Variants in ARID4B observed in about 807,000 individuals in gnomAD.
ARID4B encodes AT-rich interaction domain 4B, also known as AT-rich interactive domain-containing protein 4B.
Under a neutral mutation model 147.5 loss-of-function variants are expected in ARID4B, and 26 were observed. The observed-to-expected ratio is 0.18, with a 90% CI of 0.13 to 0.24. The LOEUF (loss-of-function observed/expected upper bound fraction) is 0.24. Ranked by LOEUF, ARID4B falls within the 10% of genes least tolerant of loss-of-function variation. ARID4B has a pLI of 1.00. For missense variants in ARID4B, 1,179 were observed against 1,511.5 expected (o/e 0.78, Z 3.65); for synonymous variants, 512 against 507.9 (o/e 1.01, Z -0.11).
chr1:235,185,852 A>G (rs548969453), intron 19 of ARID4B, among the ~76,000 whole-genome samples: 4 of 151,842 alleles, frequency 2.6e-5, no homozygotes, highest in Admixed American at 6.6e-5. Context: ...TTCATTCTTG[A>G]TATTTTATAA....
intron 17 of ARID4B, among the ~76,000 whole-genome samples, chr1:235,204,304 G>A (rs915509194): frequency 7.9e-5 from 12 of 152,072 alleles, no homozygotes; most frequent in Non-Finnish European, 1.2e-4. Context: ...CCTGGGTGAC[G>A]GAGCGAAACT....
intron 2 of ARID4B, among the ~76,000 whole-genome samples, chr1:235,264,730 C>T (rs973432058): frequency 1.3e-5 from 2 of 152,172 alleles, no homozygotes; most frequent in Non-Finnish European, 2.9e-5. Context: ...AGATTTGGTT[C>T]CCTTCCTTAT....
In ARID4B at chr1:235,236,858, A is replaced by T. The variant is rs866251278; in HGVS notation, c.586-2366T>A. ...AATATATATATATATATATATATATATATATTTTTTTTTTTTTTTTTTTTT... is the reference window on the plus strand; with the variant it reads ...AATATATATATATATATATATATATTTATATTTTTTTTTTTTTTTTTTTTT... On this transcript the variant is annotated intron_variant, in intron 8 of 23. Transcript: ENST00000264183. Among the ~76,000 whole-genome samples, 138 of 26,358 alleles carry T rather than the reference A, an allele frequency of 5.2e-3. 1 individual carries two copies. Among genetic ancestry groups the T allele is most frequent in the South Asian group, 0.018 (3 of 170 alleles). 17.3% of individuals were successfully genotyped at this position (26,358 alleles called of 152,430 possible). A position where few individuals can be genotyped will look rare whatever the true frequency, so the allele number is the denominator to read the frequency against.
chr1:235,201,893 T>C (rs949670216), intron 17 of ARID4B, among the ~76,000 whole-genome samples: 1 of 151,802 alleles, frequency 6.6e-6, no homozygotes, highest in South Asian at 2.1e-4. Flanking sequence ...CAAAAAAATA[T>C]GTAAAATAAA....
intron 11 of ARID4B, among the ~76,000 whole-genome samples, chr1:235,227,746 A>G (rs1664820095): frequency 6.6e-6 from 1 of 152,096 alleles, no homozygotes; most frequent in Non-Finnish European, 1.5e-5. Context: ...TTATGATCTA[A>G]TCAGAACTAT....
intron 2 of ARID4B, among the ~76,000 whole-genome samples, chr1:235,296,745 C>A (rs1219475417): frequency 3.1e-5 from 4 of 130,568 alleles, no homozygotes; most frequent in African/African-American, 1.1e-4. Flanking sequence ...CAGGAGTGAG[C>A]CACCTCACCC....
chr1:235,196,091 A>G lies in ARID4B; in HGVS notation c.1866T>C (p.Asp622=). 2 of 1,579,290 alleles carry G rather than the reference A, an allele frequency of 1.3e-6. No homozygotes were observed. Among genetic ancestry groups the G allele is most frequent in the Non-Finnish European group, 1.7e-6 (2 of 1,160,214 alleles). The change falls in exon 18 of 24, where the codon GAT becomes GAC. Residue 622 remains aspartate, a synonymous_variant. Coordinates refer to ENST00000264183, the MANE Select transcript of ARID4B (RefSeq NM_016374.6). The part of the protein sequence containing the change: ...NVRYDEWIKA[D]KIVRPADKNV... ...TTTTATCAGCAGGTCTTACTATTTT[A>G]TCTGCTTTAATCCATTCATCGTATC...
intron 2 of ARID4B, among the ~76,000 whole-genome samples, chr1:235,267,596 G>A (rs753336375): frequency 6.6e-6 from 1 of 152,176 alleles, no homozygotes; most frequent in Non-Finnish European, 1.5e-5. Flanking sequence ...ACTCTGGGAG[G>A]CCGAGGCGGG....
intron 2 of ARID4B, among the ~76,000 whole-genome samples, chr1:235,318,496 T>C (rs1572233165): frequency 6.6e-6 from 1 of 152,060 alleles, no homozygotes; most frequent in South Asian, 2.1e-4. Context: ...CTTTCACTTA[T>C]GGGAAGTAAA....
intron 6 of ARID4B, among the ~76,000 whole-genome samples, chr1:235,250,861 C>T (rs556981336): frequency 6.6e-6 from 1 of 152,314 alleles, no homozygotes; most frequent in South Asian, 2.1e-4. Context: ...ACCATTCCAA[C>T]TGAAAATTCT....
intron 2 of ARID4B, among the ~76,000 whole-genome samples, chr1:235,310,273 A>C (rs1673953454): frequency 6.6e-6 from 1 of 152,244 alleles, no homozygotes; most frequent in Non-Finnish European, 1.5e-5. Flanking sequence ...CAACAAAGTA[A>C]GTAGGCAAAA....
intron 2 of ARID4B, among the ~76,000 whole-genome samples, chr1:235,273,819 C>T (rs750401328): frequency 6.6e-5 from 10 of 152,150 alleles, no homozygotes; most frequent in Admixed American, 3.3e-4. Context: ...TAATATTGAG[C>T]ACAGTGTAAC....
At chr1:235,247,929 G>A (rs1043355429) in intron 6 of ARID4B, among the ~76,000 whole-genome samples, 2 of 151,966 alleles carry the variant, frequency 1.3e-5, no homozygotes, top group African/African-American at 2.4e-5. Context: ...CAGAGGTTGC[G>A]GTGAGCCAAG....
chr1:235,297,745 A>G (rs1672847320), intron 2 of ARID4B, among the ~76,000 whole-genome samples: 1 of 152,232 alleles, frequency 6.6e-6, no homozygotes, highest in Non-Finnish European at 1.5e-5. Flanking sequence ...ACGAATGTTC[A>G]GTTTACAGGA....
At chr1:235,173,742 TAAAAAAA>T (rs755815257) in intron 22 of ARID4B, among the ~76,000 whole-genome samples, 2 of 26,250 alleles carry the variant, frequency 7.6e-5, no homozygotes, top group African/African-American at 1.5e-4. Context: ...CGTCTCTATT[TAAAAAAA>T]AAAAAAAAAA....
At chr1:235,290,006 C>T (rs1672231198) in intron 2 of ARID4B, among the ~76,000 whole-genome samples, 1 of 150,620 alleles carries the variant, frequency 6.6e-6, no homozygotes, top group South Asian at 2.1e-4. Flanking sequence ...CTCCCTCCAG[C>T]CTGGACGATA....
intron 2 of ARID4B, among the ~76,000 whole-genome samples, chr1:235,272,516 G>A (rs1020988082): frequency 6.6e-5 from 10 of 151,894 alleles, no homozygotes; most frequent in Non-Finnish European, 7.4e-5. Context: ...AATCAGAAGC[G>A]TCTTATATAA....
In ARID4B at chr1:235,182,624, A is replaced by T; in HGVS notation, c.2295T>A (p.Val765=). The T allele has an allele frequency of 6.2e-7, 1 of 1,613,608 alleles. No homozygotes were observed. Among genetic ancestry groups the T allele is most frequent in the Non-Finnish European group, 8.5e-7 (1 of 1,179,974 alleles). Reference sequence around the variant, plus strand: ...GTTTGGATATTACCAAATCTGCATGAACTTTGTTTTCTTCTAGCAAAGATG... The same window carrying T: ...GTTTGGATATTACCAAATCTGCATGTACTTTGTTTTCTTCTAGCAAAGATG... ...NSSSLLEENK[V]HADLVISKPV... is the part of the protein sequence containing the mutation. The change falls in exon 20 of 24, where the codon GTT becomes GTA. Residue 765 remains valine (V), a synonymous_variant. Transcript: ENST00000264183.
intron 2 of ARID4B, among the ~76,000 whole-genome samples, chr1:235,323,551 G>C (rs999064535): frequency 7.9e-5 from 12 of 152,094 alleles, no homozygotes; most frequent in Non-Finnish European, 1.8e-4. Context: ...TTGGGAGGCC[G>C]AGGCGGGCAG....
Sources: gnomAD v4.1 joint callset for allele counts (sites outside exome capture counted in the v4.1 genomes callset) on GRCh38, gnomAD v4.1.1 for gene constraint, MANE v1.5 for transcripts, NCBI Gene and HGNC (gene_info 2026-07-23, HGNC 2026-07-21) for gene names.